Variants in KLHL14 observed in about 807,000 individuals in gnomAD.
The protein encoded by KLHL14 is kelch-like protein 14.
In KLHL14, 22 loss-of-function variants were observed where a neutral mutation model predicts 64.3. The observed-to-expected ratio is 0.34, with a 90% CI of 0.24 to 0.49. The LOEUF (loss-of-function observed/expected upper bound fraction) is 0.49, where lower values mean the gene tolerates loss of function less well. Ranked by LOEUF, KLHL14 falls within the 20% of genes least tolerant of loss-of-function variation. The pLI is 0.99. For synonymous variants in KLHL14, 322 were observed against 333.4 expected (o/e 0.97, Z 0.37); for missense variants, 661 against 789.0 (o/e 0.84, Z 1.94).
At chr18:32,771,584 CCTTCCAGCGAGGGGCGG>C (rs1231563117) in intron 1 of KLHL14, among the ~76,000 whole-genome samples, 1 of 152,104 alleles carries the variant, frequency 6.6e-6, no homozygotes, top group Non-Finnish European at 1.5e-5. Flanking sequence ...ATCAATCTCC[CCTTCCAGCGAGGGGCGG>C]CACCGAGGAC....
At chr18:32,757,129 G>C (rs2050286180) in intron 2 of KLHL14, among the ~76,000 whole-genome samples, 1 of 152,138 alleles carries the variant, frequency 6.6e-6, no homozygotes, top group African/African-American at 2.4e-5. Flanking sequence ...AATCAAAATA[G>C]AAATTGTTCT....
chr18:32,753,512 C>T (rs1431715907), intron 2 of KLHL14, among the ~76,000 whole-genome samples: 1 of 152,070 alleles, frequency 6.6e-6, no homozygotes, highest in East Asian at 1.9e-4. Flanking sequence ...TTGGCTTATG[C>T]TTTTGCCACA....
chr18:32,713,313 G>A (rs1431216577), intron 3 of KLHL14, among the ~76,000 whole-genome samples: 1 of 152,070 alleles, frequency 6.6e-6, no homozygotes, highest in Non-Finnish European at 1.5e-5. Context: ...CGAACCCCTG[G>A]CTTTTCTCTC....
chr18:32,703,719 T>TA (rs1336914281), intron 3 of KLHL14, among the ~76,000 whole-genome samples: 1 of 152,246 alleles, frequency 6.6e-6, no homozygotes, highest in Non-Finnish European at 1.5e-5. Context: ...GTCTTATTTT[T>TA]ATCTTAGTTC....
At chr18:32,733,625 A>G (rs1309026945) in intron 3 of KLHL14, 1 of 152,882 alleles carries the variant, frequency 6.5e-6, no homozygotes, top group African/African-American at 2.4e-5. Flanking sequence ...GTTTATAGAC[A>G]TGGAATGTAC....
chr18:32,674,555 T>C lies in KLHL14; in HGVS notation c.*102A>G. ...ATCATCAGAAACCAAGGGTGGGTTT[T>C]GGCAGTTGTACCATTAGAATGCATT... On this transcript the variant is annotated 3_prime_UTR_variant, in exon 9 of 9. Coordinates refer to ENST00000359358, the MANE Select transcript of KLHL14 (RefSeq NM_020805.3). 2 of 679,078 alleles carry C rather than the reference T, an allele frequency of 2.9e-6. No individual in the cohort carries two copies. Among genetic ancestry groups the C allele is most frequent in the Non-Finnish European group, 5.4e-6 (2 of 368,736 alleles). 42.1% of individuals were successfully genotyped at this position (679,078 alleles called of 1,614,324 possible).
intron 5 of KLHL14, among the ~76,000 whole-genome samples, chr18:32,684,457 C>CA (rs35225727): frequency 0.04 from 6,038 of 152,222 alleles, 215 homozygotes; most frequent in Admixed American, 0.061. Context: ...AATGCCCCGT[C>CA]AATCTTGCAG....
intron 2 of KLHL14, among the ~76,000 whole-genome samples, chr18:32,749,779 A>G (rs954120723): frequency 6.6e-6 from 1 of 152,192 alleles, no homozygotes; most frequent in African/African-American, 2.4e-5. Context: ...GTGGTACAGC[A>G]GCAATGTATG....
At chr18:32,691,640 TAATG>T (rs2049908241) in intron 4 of KLHL14, among the ~76,000 whole-genome samples, 3 of 152,096 alleles carry the variant, frequency 2.0e-5, no homozygotes, top group Admixed American at 2.0e-4. Flanking sequence ...GCAGAGAGGA[TAATG>T]AACCTCAGGA....
chr18:32,729,432 T>C (rs1422492429), intron 3 of KLHL14, among the ~76,000 whole-genome samples: 2 of 152,374 alleles, frequency 1.3e-5, no homozygotes, highest in Non-Finnish European at 1.5e-5. Context: ...CATGTTAGAC[T>C]GCAAAGATAC....
intron 2 of KLHL14, among the ~76,000 whole-genome samples, chr18:32,761,393 C>CTTTTTTTTTTTTTTTTTTTTTTT (rs10676001): frequency 1.6e-5 from 2 of 127,088 alleles, no homozygotes; most frequent in Non-Finnish European, 3.2e-5. Flanking sequence ...GCCACACATC[C>CTTTTTTTTTTTTTTTTTTTTTTT]TTTTTTTTTT....
rs201756265 is a variant in KLHL14, at chr18:32,769,992, C to T, written c.600G>A (p.Glu200=). Residue 200 remains glutamate, a synonymous_variant, in exon 2 of 9, where the codon GAG becomes GAA. Coordinates refer to ENST00000359358, the MANE Select transcript of KLHL14 (RefSeq NM_020805.3). The part of the protein sequence containing the change: ...CKIAALHGLE[E]TKKLANKYLV... ...GGTACTTGTTGGCCAGCTTCTTGGTCTCCTCCAGGCCGTGCAGCGCGGCGA... is the reference window on the plus strand; with the variant it reads ...GGTACTTGTTGGCCAGCTTCTTGGTTTCCTCCAGGCCGTGCAGCGCGGCGA... 1.2e-6 allele frequency: 2 copies of T among 1,614,226 alleles called. No individual in the cohort carries two copies. Among genetic ancestry groups the T allele is most frequent in the Non-Finnish European group, 1.7e-6 (2 of 1,180,038 alleles).
intron 4 of KLHL14, among the ~76,000 whole-genome samples, chr18:32,692,918 C>T (rs1013165697): frequency 1.3e-5 from 2 of 152,162 alleles, no homozygotes; most frequent in African/African-American, 2.4e-5. Flanking sequence ...TAGCAAAGTT[C>T]CTGGCAATAA....
chr18:32,706,198 C>G lies in KLHL14; in HGVS notation c.1070-10646G>C, dbSNP rs778601994. Among the ~76,000 whole-genome samples, 9 of 152,240 alleles carry G rather than the reference C, an allele frequency of 5.9e-5. No homozygotes were observed. The South Asian group carries it at 8.3e-4, about 14-fold the overall frequency. Reference sequence around the variant, plus strand: ...GTGTATGCGTGATGTCCAGTAAGTACTAGAGCAGTTGGGCCAGGACATCAG... The same window carrying G: ...GTGTATGCGTGATGTCCAGTAAGTAGTAGAGCAGTTGGGCCAGGACATCAG... On this transcript the variant is annotated intron_variant, in intron 3 of 8. Coordinates refer to ENST00000359358, the MANE Select transcript of KLHL14 (RefSeq NM_020805.3).
chr18:32,741,681 C>A (rs1339857560), intron 3 of KLHL14, among the ~76,000 whole-genome samples: 1 of 152,134 alleles, frequency 6.6e-6, no homozygotes, highest in African/African-American at 2.4e-5. Flanking sequence ...CCCTCCATTG[C>A]AGCACATACA....
At chr18:32,772,049 T>C (rs2050390359) in intron 1 of KLHL14, 1 of 278,522 alleles carries the variant, frequency 3.6e-6, no homozygotes, top group Non-Finnish European at 7.1e-6. Flanking sequence ...AATTGCACCT[T>C]CCAGGGCTGA....
intron 2 of KLHL14, among the ~76,000 whole-genome samples, chr18:32,756,455 C>T (rs940572185): frequency 4.6e-5 from 7 of 151,664 alleles, no homozygotes; most frequent in African/African-American, 1.7e-4. Flanking sequence ...CAAAAAAAAC[C>T]TTTCTAAGGT....
In KLHL14 at chr18:32,678,464, C is replaced by A. The variant is rs970495053; in HGVS notation, c.1589-1134G>T. ...AAAATAAATCCCATAGATGGTGGAA[C>A]AACAGAACAATGTACTCACTGCAAC... On this transcript the variant is annotated intron_variant, in intron 7 of 8. Coordinates refer to ENST00000359358, the MANE Select transcript of KLHL14 (RefSeq NM_020805.3). 6.6e-5 allele frequency among the ~76,000 whole-genome samples: 10 copies of A among 152,196 alleles called. No individual in the cohort carries two copies. The South Asian group carries it at 1.9e-3, about 28-fold the overall frequency.
chr18:32,720,235 C>T (rs2050070823), intron 3 of KLHL14, among the ~76,000 whole-genome samples: 1 of 152,142 alleles, frequency 6.6e-6, no homozygotes, highest in Admixed American at 6.6e-5. Context: ...TGGATTTCAT[C>T]TTGTACATTC....
Sources: allele counts gnomAD v4.1 joint callset (sites outside exome capture counted in the v4.1 genomes callset), GRCh38; gene constraint gnomAD v4.1.1; transcripts MANE v1.5; gene names NCBI Gene and HGNC (gene_info 2026-07-23, HGNC 2026-07-21).